The following ZC2HC1A variants were observed in gnomAD, a reference collection of about 807,000 sequenced individuals.
ZC2HC1A encodes the protein zinc finger C2HC-type containing 1A, also known as zinc finger C2HC domain-containing protein 1A.
ZC2HC1A carries 28 observed loss-of-function variants against 40.7 expected under a neutral mutation model. That is an observed-to-expected ratio of 0.69 (90% confidence interval 0.51 to 0.94). The LOEUF (loss-of-function observed/expected upper bound fraction) is 0.94, where lower values mean the gene tolerates loss of function less well. Ranked by LOEUF, ZC2HC1A falls within the 40% of genes least tolerant of loss-of-function variation. The pLI is 0.00. For synonymous variants in ZC2HC1A, 129 were observed against 129.2 expected, an observed-to-expected ratio of 1.00 and a Z score of 0.01; for missense variants, 389 against 386.3, an observed-to-expected ratio of 1.01 and a Z score of -0.06.
At position 78,679,889 on chromosome 8, in the gene ZC2HC1A, G is replaced by A. The variant is rs192386347; in HGVS notation, c.210+1210G>A. Among the ~76,000 whole-genome samples the A allele has an allele frequency of 2.3e-4, 35 of 152,186 alleles. No homozygotes were observed. The East Asian group carries it at 6.2e-3, about 27-fold the overall frequency. On this transcript the variant is annotated intron_variant, in intron 3 of 8. Coordinates refer to ENST00000263849, the MANE Select transcript of ZC2HC1A (RefSeq NM_016010.3). Reference sequence around the variant, plus strand: ...TAAGCTGTATAAATCAATATATGACGTTTTTCTTAGTTACCTGCTGCCTAT... The same window carrying A: ...TAAGCTGTATAAATCAATATATGACATTTTTCTTAGTTACCTGCTGCCTAT...
At chr8:78,691,634 T>A (rs555676222) in intron 5 of ZC2HC1A, among the ~76,000 whole-genome samples, 10 of 152,286 alleles carry the variant, frequency 6.6e-5, no homozygotes, top group South Asian at 2.1e-4. Flanking sequence ...GTAATTTTTT[T>A]AAAAATTCAC....
intron 2 of ZC2HC1A, 117 bp from the exon 3 acceptor site, chr8:78,678,446 T>C: frequency 1.4e-6 from 1 of 710,264 alleles, no homozygotes; most frequent in East Asian, 2.6e-5. Context: ...TATTATTTTG[T>C]ATTCAGGTTT....
intron 1 of ZC2HC1A, among the ~76,000 whole-genome samples, chr8:78,666,566 C>G (rs1370484935): frequency 1.3e-5 from 2 of 152,238 alleles, no homozygotes; most frequent in African/African-American, 4.8e-5. Context: ...CAACAGGCCA[C>G]TTTGTGCTGC....
At chr8:78,675,660 AAAATG>A in intron 1 of ZC2HC1A, 122 bp from the exon 2 acceptor site, 1 of 842,550 alleles carries the variant, frequency 1.2e-6, no homozygotes. Flanking sequence ...TGCTTATTTC[AAAATG>A]CAGTAAAACA....
chr8:78,678,817 G>GT, intron 3 of ZC2HC1A, 138 bp downstream of exon 3: 1 of 499,236 alleles, frequency 2.0e-6, no homozygotes, highest in East Asian at 3.5e-5. Flanking sequence ...ACAATTCTGT[G>GT]TTATATGTTC....
At chr8:78,709,641 C>A (rs1480653842) in intron 7 of ZC2HC1A, among the ~76,000 whole-genome samples, 1 of 151,644 alleles carries the variant, frequency 6.6e-6, no homozygotes, top group African/African-American at 2.4e-5. Flanking sequence ...AATCTTTTGG[C>A]TTCCCTGGGC....
At position 78,715,253 on chromosome 8, in the gene ZC2HC1A, C is replaced by G. The variant is rs776409753; in HGVS notation, c.737C>G (p.Pro246Arg). 1.9e-6 allele frequency: 3 copies of G among 1,613,692 alleles called. No individual in the cohort carries two copies. The highest frequency in any genetic ancestry group is 2.2e-5 in the East Asian group (1 of 44,844). ...GTCAAACCCCGAAATTCCACACCAC[C>G]TAGTTTGGCAAGAAATCCTGCCCCA... ...ANVKPRNSTPPSLARNPAPGV... is the reference protein window; with the variant it reads ...ANVKPRNSTPRSLARNPAPGV... The change falls in exon 8 of 9, where the codon CCT becomes CGT. Residue 246 changes from proline to arginine, a missense_variant. By Grantham distance (103) the Pro-to-Arg change is moderately radical (BLOSUM62 -2). Transcript: ENST00000263849.
At chr8:78,698,176 T>C (rs192739439) in intron 6 of ZC2HC1A, among the ~76,000 whole-genome samples, 96 of 152,286 alleles carry the variant, frequency 6.3e-4, no homozygotes, top group Non-Finnish European at 9.9e-4. Flanking sequence ...TAGAAGAAGA[T>C]ATTGACCACT....
chr8:78,673,365 G>C (rs1178945149), intron 1 of ZC2HC1A, among the ~76,000 whole-genome samples: 1 of 152,120 alleles, frequency 6.6e-6, no homozygotes, highest in Non-Finnish European at 1.5e-5. Flanking sequence ...AAATAGTGCT[G>C]CAGTAAGCAT....
At chr8:78,683,374 C>T (rs980206951) in intron 3 of ZC2HC1A, among the ~76,000 whole-genome samples, 14 of 152,236 alleles carry the variant, frequency 9.2e-5, no homozygotes, top group African/African-American at 3.4e-4. Context: ...GTCAGAGGCT[C>T]CCAAACCTCA....
chr8:78,689,967 T>C (rs1810154325), intron 5 of ZC2HC1A, among the ~76,000 whole-genome samples: 1 of 152,198 alleles, frequency 6.6e-6, no homozygotes, highest in Non-Finnish European at 1.5e-5. Context: ...TTCAGGCTGG[T>C]ATTTGTGTAT....
chr8:78,698,591 T>C, intron 7 of ZC2HC1A, 78 bp downstream of exon 7: 1 of 1,093,474 alleles, frequency 9.1e-7, no homozygotes, highest in South Asian at 2.0e-5. Context: ...TGATAATTGC[T>C]TTTTCATTCA....
At chr8:78,698,274 C>A in intron 6 of ZC2HC1A, 140 bp from the exon 7 acceptor site, 1 of 630,106 alleles carries the variant, frequency 1.6e-6, no homozygotes, top group Non-Finnish European at 2.6e-6. Flanking sequence ...TCTGGAAATG[C>A]CATTTAAAAA....
intron 4 of ZC2HC1A, among the ~76,000 whole-genome samples, 199 bp from the exon 5 acceptor site, chr8:78,689,023 G>C (rs1585998928): frequency 7.5e-6 from 1 of 133,282 alleles, no homozygotes. Context: ...TGGAAGTCAT[G>C]TACCAGCAGA....
chr8:78,701,841 A>C (rs940087396), intron 7 of ZC2HC1A, among the ~76,000 whole-genome samples: 3 of 152,184 alleles, frequency 2.0e-5, no homozygotes, highest in East Asian at 1.9e-4. Context: ...GATGAAGCCT[A>C]CTTGATCCTG....
Position 78,717,908 on chromosome 8 carries a change from C to G in ZC2HC1A, c.*415C>G, listed in dbSNP as rs536668776. The G allele has an allele frequency of 1.3e-5, 2 of 155,290 alleles. No individual in the cohort carries two copies. The highest frequency in any genetic ancestry group is 4.8e-5 in the African/African-American group (2 of 41,410). The allele number at this position is 155,290 out of a possible 1,614,324, so 9.6% of individuals were successfully genotyped here. A position where few individuals can be genotyped will look rare whatever the true frequency, so the allele number is the denominator to read the frequency against. On this transcript the variant is annotated 3_prime_UTR_variant, in exon 9 of 9. Transcript: ENST00000263849. ...GGATAAACATTTGTATTATTGGTGC[C>G]TATCTTCAGATAGTATCATAGTAGG... is the stretch of plus-strand genomic sequence containing the variant.
chr8:78,672,498 ACT>A (rs1221608476), intron 1 of ZC2HC1A, among the ~76,000 whole-genome samples: 2 of 152,240 alleles, frequency 1.3e-5, no homozygotes, highest in Non-Finnish European at 2.9e-5. Flanking sequence ...TTTACCCTAC[ACT>A]CTGCAGATCA....
intron 3 of ZC2HC1A, 96 bp from the exon 4 acceptor site, chr8:78,686,371 A>T (rs1010105285): frequency 3.8e-6 from 4 of 1,047,828 alleles, no homozygotes; most frequent in Admixed American, 4.1e-5. Context: ...ATAAGAGAAC[A>T]TTTAAAATGA....
intron 5 of ZC2HC1A, among the ~76,000 whole-genome samples, chr8:78,690,928 C>T (rs62518980): frequency 6.6e-6 from 1 of 152,078 alleles, no homozygotes; most frequent in East Asian, 1.9e-4. Context: ...GTATATTAAT[C>T]TTATACCCTG....
Sources: gnomAD v4.1 joint callset for allele counts (sites outside exome capture counted in the v4.1 genomes callset) on GRCh38, gnomAD v4.1.1 for gene constraint, MANE v1.5 for transcripts, NCBI Gene and HGNC (gene_info 2026-07-23, HGNC 2026-07-21) for gene names.